PPHLN1: variants seen among roughly 807,000 people sequenced by gnomAD.
PPHLN1 encodes periphilin-1.
PPHLN1 carries 29 observed loss-of-function variants against 51.3 expected under a neutral mutation model. The observed-to-expected ratio is 0.57, with a 90% CI of 0.42 to 0.77. PPHLN1 has a LOEUF of 0.77. Among genes scored for constraint, PPHLN1 ranks in the 30% least tolerant of loss-of-function variants. The pLI is 0.00. For synonymous variants in PPHLN1, 147 were observed against 147.8 expected (o/e 0.99, Z 0.04); for missense variants, 436 against 438.4 (o/e 0.99, Z 0.05).
chr12:42,376,415 G>A (rs1191750951), intron 5 of PPHLN1, among the ~76,000 whole-genome samples: 1 of 152,046 alleles, frequency 6.6e-6, no homozygotes, highest in Non-Finnish European at 1.5e-5. Flanking sequence ...GATAGAGTGG[G>A]GCTTCCCAAA....
At chr12:42,387,932 C>A (rs1475423735) in intron 7 of PPHLN1, among the ~76,000 whole-genome samples, 3 of 152,210 alleles carry the variant, frequency 2.0e-5, no homozygotes, top group African/African-American at 7.2e-5. Context: ...GCCTTGTTAA[C>A]AAAATATTTA....
At chr12:42,386,392 A>T (rs985612779) in intron 6 of PPHLN1, among the ~76,000 whole-genome samples, 3 of 152,222 alleles carry the variant, frequency 2.0e-5, no homozygotes, top group African/African-American at 7.2e-5. Flanking sequence ...GTTATTCACC[A>T]CTTTCCTAGG....
intron 2 of PPHLN1, among the ~76,000 whole-genome samples, chr12:42,336,501 G>C (rs1280630806): frequency 6.6e-6 from 1 of 152,144 alleles, no homozygotes. Context: ...AATGCCTGGA[G>C]GCTCAGGGTC....
chr12:42,434,468 C>G lies in PPHLN1; in HGVS notation c.910-6847C>G, dbSNP rs573941140. On this transcript the variant is annotated intron_variant, in intron 9 of 9. Transcript: ENST00000358314. Reference sequence around the variant, plus strand: ...ACCCAAGGAGGGGCTTGTAAGAACCCTCAGTTTATAGTTGCCTGGTCAGAA... The same window carrying G: ...ACCCAAGGAGGGGCTTGTAAGAACCGTCAGTTTATAGTTGCCTGGTCAGAA... Among the ~76,000 whole-genome samples, 17 of 152,304 alleles carry G rather than the reference C, an allele frequency of 1.1e-4. No homozygotes were observed. The South Asian group carries it at 3.5e-3, about 32-fold the overall frequency.
At chr12:42,332,345 T>C (rs2069882320) in intron 1 of PPHLN1, among the ~76,000 whole-genome samples, 1 of 152,180 alleles carries the variant, frequency 6.6e-6, no homozygotes, top group Admixed American at 6.5e-5. Context: ...TTGTTTACAA[T>C]AACAGCTAAA....
chr12:42,446,121 G>A (rs201876048), downstream of PPHLN1: 3,263 of 1,563,136 alleles, frequency 2.1e-3, 10 homozygotes, highest in Non-Finnish European at 2.5e-3. Flanking sequence ...AAACGGGTTC[G>A]TCGGACGACA....
chr12:42,379,775 G>A (rs966585934), intron 5 of PPHLN1, among the ~76,000 whole-genome samples: 1 of 151,766 alleles, frequency 6.6e-6, no homozygotes, highest in Admixed American at 6.6e-5. Context: ...CTGTTTTATA[G>A]AATTCTCAAA....
chr12:42,344,876 T>G (rs1342378574), intron 2 of PPHLN1, among the ~76,000 whole-genome samples: 2 of 151,972 alleles, frequency 1.3e-5, no homozygotes, highest in Non-Finnish European at 2.9e-5. Context: ...ACCTGGCTAA[T>G]TTTGTGTATT....
chr12:42,348,055 A>G (rs2072632918), intron 2 of PPHLN1, among the ~76,000 whole-genome samples: 1 of 152,126 alleles, frequency 6.6e-6, no homozygotes, highest in Admixed American at 6.5e-5. Flanking sequence ...ATAGCCAGGT[A>G]TAAGAGCTGT....
chr12:42,353,186 C>T (rs942464998), intron 3 of PPHLN1, among the ~76,000 whole-genome samples: 2 of 152,114 alleles, frequency 1.3e-5, no homozygotes, highest in Non-Finnish European at 2.9e-5. Context: ...ATGCAGTAAT[C>T]TGTAGTTGAA....
At chr12:42,343,926 G>A in intron 2 of PPHLN1, 3 of 442,244 alleles carry the variant, frequency 6.8e-6, no homozygotes, top group South Asian at 1.6e-5. Flanking sequence ...AAATCAACAA[G>A]TGCTAAAATA....
chr12:42,421,910 A>C (rs1206065311), intron 9 of PPHLN1, among the ~76,000 whole-genome samples: 1 of 151,736 alleles, frequency 6.6e-6, no homozygotes, highest in Non-Finnish European at 1.5e-5. Context: ...ATTTTACTTT[A>C]AGGAAGATGG....
intron 3 of PPHLN1, 45 bp from the exon 4 acceptor site, chr12:42,355,116 C>A: frequency 1.3e-6 from 2 of 1,584,790 alleles, no homozygotes; most frequent in South Asian, 2.2e-5. Flanking sequence ...CCCACTTGTC[C>A]AAAATAATGT....
At chr12:42,423,149 A>G (rs1273485004) in intron 9 of PPHLN1, among the ~76,000 whole-genome samples, 3 of 152,176 alleles carry the variant, frequency 2.0e-5, no homozygotes, top group Non-Finnish European at 4.4e-5. Flanking sequence ...TTGTATTGCC[A>G]ACTGGACAAA....
chr12:42,436,336 A>T (rs551294175), intron 9 of PPHLN1, among the ~76,000 whole-genome samples: 1 of 152,310 alleles, frequency 6.6e-6, no homozygotes, highest in Non-Finnish European at 1.5e-5. Context: ...TGCTAGGAAG[A>T]ACTTACTCCC....
intron 9 of PPHLN1, 63 bp from the exon 10 acceptor site, chr12:42,441,247 CTCAGT>C: frequency 6.7e-7 from 1 of 1,486,336 alleles, no homozygotes. Context: ...ATTCTGCCAA[CTCAGT>C]TAGCTAAGTA....
chr12:42,390,510 A>G (rs2077593206), intron 7 of PPHLN1, among the ~76,000 whole-genome samples: 1 of 145,626 alleles, frequency 6.9e-6, no homozygotes, highest in African/African-American at 2.6e-5. Context: ...CTACATGTTA[A>G]AAGTTTTAGT....
chr12:42,401,588 T>G (rs1286621063), intron 9 of PPHLN1, among the ~76,000 whole-genome samples: 2 of 151,726 alleles, frequency 1.3e-5, no homozygotes, highest in Admixed American at 6.6e-5. Flanking sequence ...TGGCATTAGA[T>G]TGTCACAGAA....
intron 2 of PPHLN1, among the ~76,000 whole-genome samples, chr12:42,351,051 A>G (rs2073284557): frequency 6.6e-6 from 1 of 151,976 alleles, no homozygotes; most frequent in Non-Finnish European, 1.5e-5. Context: ...TTTCCAGATT[A>G]GTTAATTCAT....
Sources: allele counts gnomAD v4.1 joint callset (sites outside exome capture counted in the v4.1 genomes callset), GRCh38; gene constraint gnomAD v4.1.1; transcripts MANE v1.5; gene names NCBI Gene and HGNC (gene_info 2026-07-23, HGNC 2026-07-21).